Variants in SLC11A2 observed in about 807,000 individuals in gnomAD.
The protein encoded by SLC11A2 is natural resistance-associated macrophage protein 2.
SLC11A2 carries 38 observed loss-of-function variants against 68.0 expected under a neutral mutation model. The ratio of observed to expected loss-of-function variants is 0.56; its 90% confidence interval spans 0.43 to 0.73. The LOEUF (loss-of-function observed/expected upper bound fraction) is 0.73. Ranked by LOEUF, SLC11A2 falls within the 30% of genes least tolerant of loss-of-function variation. The pLI, the probability that SLC11A2 is intolerant of heterozygous loss-of-function variation, is 0.00. For synonymous variants in SLC11A2, 242 were observed against 250.6 expected (o/e 0.97, Z 0.32); for missense variants, 517 against 690.5 (o/e 0.75, Z 2.82).
upstream of SLC11A2, among the ~76,000 whole-genome samples, chr12:51,027,205 C>T (rs1944429068): frequency 6.6e-6 from 1 of 150,568 alleles, no homozygotes; most frequent in Non-Finnish European, 1.5e-5. Context: ...CCAGGCATCA[C>T]GGCGCCCGCC....
chr12:50,979,440 C>T (rs995684258), downstream of SLC11A2: 5 of 165,694 alleles, frequency 3.0e-5, no homozygotes, highest in African/African-American at 9.6e-5. Flanking sequence ...TATTTTTTAC[C>T]TTCGTTTCCC....
Position 50,992,660 on chromosome 12 carries a change from A to T in SLC11A2, c.1197+150T>A, listed in dbSNP as rs1941275141. On this transcript the variant is annotated intron_variant, in intron 12 of 15. Transcript: ENST00000262052. ...GTCAGGAGAATCACTTGAACCCGGGAGGTGGAGGTTGCAGTGAGCCGAGAT... is the reference window on the plus strand; with the variant it reads ...GTCAGGAGAATCACTTGAACCCGGGTGGTGGAGGTTGCAGTGAGCCGAGAT... The T allele has an allele frequency of 5.3e-6, 4 of 759,840 alleles. No homozygotes were observed. In the Admixed American group the frequency reaches 7.2e-5, roughly 14 times the overall value. 47.1% of individuals were successfully genotyped at this position (759,840 alleles called of 1,614,324 possible). A position where few individuals can be genotyped will look rare whatever the true frequency, so the allele number is the denominator to read the frequency against.
chr12:51,022,483 A>G (rs146916794), intron 1 of SLC11A2, among the ~76,000 whole-genome samples: 2 of 148,900 alleles, frequency 1.3e-5, no homozygotes, highest in Non-Finnish European at 3.0e-5. Context: ...GCCTATACCT[A>G]CTTCTTGCCT....
the SLC11A2 span, among the ~76,000 whole-genome samples, chr12:50,972,792 C>G: frequency 6.6e-6 from 1 of 152,244 alleles, no homozygotes; most frequent in Non-Finnish European, 1.5e-5. Flanking sequence ...CACTCCCACC[C>G]TAATACTGCA....
chr12:51,017,927 G>A (rs187911215), intron 1 of SLC11A2, among the ~76,000 whole-genome samples: 24 of 152,040 alleles, frequency 1.6e-4, no homozygotes, highest in Admixed American at 1.2e-3. Context: ...CCATTCCCTG[G>A]TACTACTCTT....
chr12:51,004,310 G>A (rs1200005243), intron 5 of SLC11A2, among the ~76,000 whole-genome samples: 1 of 152,128 alleles, frequency 6.6e-6, no homozygotes, highest in Non-Finnish European at 1.5e-5. Flanking sequence ...CCCCCGGTGG[G>A]AGGGGAAACT....
At chr12:50,992,704 C>T (rs2468274) in intron 12 of SLC11A2, 106 bp downstream of exon 12, 1 of 1,258,596 alleles carries the variant, frequency 7.9e-7, no homozygotes, top group Admixed American at 1.9e-5. Flanking sequence ...TACACTCCAA[C>T]TTGGGCGACG....
intron 2 of SLC11A2, among the ~76,000 whole-genome samples, 182 bp downstream of exon 2, chr12:51,010,513 C>CA (rs369760115): frequency 0.013 from 1,768 of 133,326 alleles, 56 homozygotes; most frequent in African/African-American, 0.041. Flanking sequence ...GACTCCACCT[C>CA]AAAAAAAAAA....
In SLC11A2 at chr12:50,997,712, G is replaced by T. The variant is rs188202139; in HGVS notation, c.676-740C>A. Reference sequence around the variant, plus strand: ...AAAAAAAAAAAAAAAAAAAGGCCAGGCATGGTGGCTCACGCCTGTAATCCT... The same window carrying T: ...AAAAAAAAAAAAAAAAAAAGGCCAGTCATGGTGGCTCACGCCTGTAATCCT... On this transcript the variant is annotated intron_variant, in intron 8 of 15. Coordinates refer to ENST00000262052, the MANE Select transcript of SLC11A2 (RefSeq NM_000617.3). Among the ~76,000 whole-genome samples, 629 of 131,248 alleles carry T rather than the reference G, an allele frequency of 4.8e-3. 17 individuals carry two copies. The highest frequency in any genetic ancestry group is 0.017 in the African/African-American group (589 of 34,846). The allele number at this position is 131,248 out of a possible 152,430, so 86.1% of individuals were successfully genotyped here.
intron 1 of SLC11A2, among the ~76,000 whole-genome samples, chr12:51,011,804 G>C (rs1190798558): frequency 6.6e-6 from 1 of 151,340 alleles, no homozygotes; most frequent in Non-Finnish European, 1.5e-5. Context: ...CTCATGATCC[G>C]CCCACCCCAC....
At chr12:50,990,685 T>C (rs113644360) in intron 15 of SLC11A2, 110 bp downstream of exon 15, 11 of 1,112,292 alleles carry the variant, frequency 9.9e-6, no homozygotes, top group South Asian at 5.6e-5. Context: ...ACTGGGATTA[T>C]AGGCATGAGC....
Position 50,986,212 on chromosome 12 carries a change from T to C in SLC11A2, c.*2113A>G. 7.8e-7 allele frequency: 1 copy of C among 1,283,596 alleles called. No homozygotes were observed. Among genetic ancestry groups the C allele is most frequent in the Non-Finnish European group, 1.0e-6 (1 of 985,362 alleles). The allele number at this position is 1,283,596 out of a possible 1,614,324, so 79.5% of individuals were successfully genotyped here. A position where few individuals can be genotyped will look rare whatever the true frequency, so the allele number is the denominator to read the frequency against. On this transcript the variant is annotated 3_prime_UTR_variant, in exon 16 of 16. Transcript: ENST00000262052. The stretch of plus-strand genomic sequence containing the variant: ...AACCAATTTATATAAAGTACAATTG[T>C]ATATCCTTAAACATTCCACATAAAC...
intron 4 of SLC11A2, 85 bp downstream of exon 4, chr12:51,005,226 G>A: frequency 7.0e-7 from 1 of 1,428,256 alleles, no homozygotes; most frequent in Non-Finnish European, 9.9e-7. Context: ...AGCCCCTGAG[G>A]CTACTATCCA....
At chr12:50,954,039 G>A in the SLC11A2 span, 2 of 1,613,206 alleles carry the variant, frequency 1.2e-6, no homozygotes, top group African/African-American at 2.7e-5. Flanking sequence ...GAGGATGAAG[G>A]CCAATTATCC....
At chr12:51,001,830 C>G (rs1448177192) in intron 5 of SLC11A2, among the ~76,000 whole-genome samples, 2 of 152,116 alleles carry the variant, frequency 1.3e-5, no homozygotes, top group Non-Finnish European at 2.9e-5. Flanking sequence ...AAGAGCAAGA[C>G]TGTCTCAACA....
rs182577066 is a variant in SLC11A2 at position 50,991,693 on chromosome 12, G to C, written c.1348-21C>G. On this transcript the variant is annotated intron_variant, in intron 13 of 15. Transcript: ENST00000262052. ...GGAAGCTGGAAAAGAAAGAAGATCA[G>C]ATGGGATTACTATGGGTCCTTGTAT... The C allele has an allele frequency of 1.3e-5, 21 of 1,599,438 alleles. No individual in the cohort carries two copies. In the East Asian group the frequency reaches 4.2e-4, roughly 32 times the overall value.
At chr12:50,999,264 G>A (rs568173289) in intron 7 of SLC11A2, 23 bp from the exon 8 acceptor site, 2 of 1,613,658 alleles carry the variant, frequency 1.2e-6, no homozygotes, top group South Asian at 1.1e-5. Context: ...AGGCAGCAGT[G>A]AGCTCAGAGA....
In SLC11A2 at chr12:50,990,898, T is replaced by C; in HGVS notation, c.1472A>G (p.Asn491Ser). The C allele has an allele frequency of 2.5e-6, 4 of 1,613,918 alleles. No homozygotes were observed. Among genetic ancestry groups the C allele is most frequent in the Non-Finnish European group, 3.4e-6 (4 of 1,179,906 alleles). ...GACATAAACCACTACAAAGTACATA[T>C]TGATGGAACAGATGATAAGGACCAA... ...GILVLIICSI[N>S]MYFVVVYVRD... Residue 491 changes from asparagine (N) to serine (S), a missense_variant, in exon 15 of 16, where the codon AAT (asparagine) becomes AGT (serine). Physicochemically the swap from Asn to Ser is conservative, Grantham distance 46 (BLOSUM62 1). Transcript: ENST00000262052.
At chr12:50,953,874 T>G in the SLC11A2 span, 1 of 593,480 alleles carries the variant, frequency 1.7e-6, no homozygotes, top group Non-Finnish European at 3.0e-6. Context: ...GTTGAGCAGA[T>G]AGGCTTATCA....
Sources: gnomAD v4.1 joint callset for allele counts (sites outside exome capture counted in the v4.1 genomes callset) on GRCh38, gnomAD v4.1.1 for gene constraint, MANE v1.5 for transcripts, NCBI Gene and HGNC (gene_info 2026-07-23, HGNC 2026-07-21) for gene names.